Variants in GLIS3 observed in about 807,000 individuals in gnomAD.
The protein encoded by GLIS3 is zinc finger protein GLIS3.
In GLIS3, 53 loss-of-function variants were observed where a neutral mutation model predicts 78.6. The ratio of observed to expected loss-of-function variants is 0.67; its 90% confidence interval spans 0.54 to 0.85. The LOEUF is 0.85. GLIS3 is among the 40% of genes least tolerant of loss of function. The pLI is 0.00. For synonymous variants in GLIS3, 684 were observed against 509.9 expected (o/e 1.34, Z -4.60); for missense variants, 1,703 against 1,231.1 (o/e 1.38, Z -5.74).
At chr9:3,859,084 A>C (rs1232784200) in intron 8 of GLIS3, among the ~76,000 whole-genome samples, 3 of 152,274 alleles carry the variant, frequency 2.0e-5, no homozygotes, top group African/African-American at 7.2e-5. Flanking sequence ...TTCCTGTTTG[A>C]GGTAAGGTCC....
At position 4,299,406 on chromosome 9, in the gene GLIS3, A is replaced by G. The variant is rs1351323091; in HGVS notation, c.-99+15T>C. On this transcript the variant is annotated intron_variant, in intron 1 of 10. Transcript: ENST00000381971. ...TCTCTCGCCTGCGAGCAAAGTTCCT[A>G]TGGCATCCACTTACCAGGTAACCGG... is the stretch of plus-strand genomic sequence containing the variant. 6.6e-6 allele frequency: 1 copy of G among 152,288 alleles called. No individual in the cohort carries two copies. Among genetic ancestry groups the G allele is most frequent in the African/African-American group, 2.4e-5 (1 of 41,448 alleles). The allele number at this position is 152,288 out of a possible 1,614,324, so 9.4% of individuals were successfully genotyped here.
intron 4 of GLIS3, among the ~76,000 whole-genome samples, chr9:4,052,999 G>C (rs947608911): frequency 1.3e-5 from 2 of 152,108 alleles, no homozygotes; most frequent in Non-Finnish European, 2.9e-5. Context: ...CCAGCCTGGA[G>C]TGCAGTAGCA....
chr9:4,286,584 G>A (rs1333819101), intron 1 of GLIS3, 61 bp from the exon 2 acceptor site: 5 of 830,448 alleles, frequency 6.0e-6, no homozygotes, highest in African/African-American at 1.7e-5. Flanking sequence ...GATACAGTGA[G>A]TTTTTCAACC....
chr9:3,831,690 G>C (rs1475680033), intron 9 of GLIS3, among the ~76,000 whole-genome samples: 1 of 152,172 alleles, frequency 6.6e-6, no homozygotes, highest in Admixed American at 6.6e-5. Flanking sequence ...CAGCGCTAGT[G>C]ATCAAAACAG....
upstream of GLIS3, among the ~76,000 whole-genome samples, chr9:4,304,810 T>A (rs980467914): frequency 1.3e-5 from 2 of 152,200 alleles, no homozygotes; most frequent in African/African-American, 4.8e-5. Context: ...TTGAAAAAAC[T>A]TGGAGATTTT....
rs139069093 is a variant in GLIS3, at chr9:4,012,535, C to T, written c.1711-75346G>A. Among the ~76,000 whole-genome samples, 1,516 of 152,120 alleles carry T rather than the reference C, an allele frequency of 1.0e-2. 28 individuals are homozygous for T. The highest frequency in any genetic ancestry group is 0.034 in the African/African-American group (1,422 of 41,472). The stretch of plus-strand genomic sequence containing the variant: ...TGGGCACATAAACTTTTCCTTGGTG[C>T]TTTTTAGATATTCAAGCAATTTCTT... On this transcript the variant is annotated intron_variant, in intron 4 of 10. Transcript: ENST00000381971.
At chr9:4,464,771 G>C in the GLIS3 span, among the ~76,000 whole-genome samples, 16 of 152,172 alleles carry the variant, frequency 1.1e-4, no homozygotes, top group Admixed American at 6.5e-4. Flanking sequence ...AATAATATAA[G>C]TGGTATATAG....
chr9:4,482,473 C>T, the GLIS3 span, among the ~76,000 whole-genome samples: 1 of 152,198 alleles, frequency 6.6e-6, no homozygotes, highest in Non-Finnish European at 1.5e-5. Flanking sequence ...CACCATCTTT[C>T]TCCCCACCCA....
At chr9:3,880,268 A>G (rs927964443) in intron 7 of GLIS3, among the ~76,000 whole-genome samples, 9 of 152,056 alleles carry the variant, frequency 5.9e-5, no homozygotes, top group African/African-American at 1.7e-4. Flanking sequence ...TATGACACAG[A>G]GAGTGAGTTA....
chr9:4,147,272 T>C (rs887804949), intron 2 of GLIS3: 4 of 152,230 alleles, frequency 2.6e-5, no homozygotes, highest in African/African-American at 9.6e-5. Flanking sequence ...AATTTCAATT[T>C]GGAATTTCTT....
chr9:3,905,628 T>A (rs1823645563), intron 6 of GLIS3, among the ~76,000 whole-genome samples: 1 of 152,134 alleles, frequency 6.6e-6, no homozygotes, highest in South Asian at 2.1e-4. Context: ...ACACACACAG[T>A]GGTCCCAGGG....
chr9:4,234,893 T>G (rs1458147651), intron 2 of GLIS3, among the ~76,000 whole-genome samples: 5 of 152,180 alleles, frequency 3.3e-5, no homozygotes. Context: ...CTTTGCTCCC[T>G]AAGAGTCCCT....
At chr9:4,057,583 G>C (rs1235523785) in intron 4 of GLIS3, among the ~76,000 whole-genome samples, 4 of 151,736 alleles carry the variant, frequency 2.6e-5, no homozygotes, top group Admixed American at 1.3e-4. Context: ...TGAAAAAAAA[G>C]CACAATGTAA....
chr9:4,282,365 G>T (rs1457056149), intron 2 of GLIS3, among the ~76,000 whole-genome samples: 1 of 152,178 alleles, frequency 6.6e-6, no homozygotes, highest in Non-Finnish European at 1.5e-5. Context: ...CATTTAGTCA[G>T]TACACTGAGT....
chr9:4,173,218 G>C (rs971229748), intron 2 of GLIS3, among the ~76,000 whole-genome samples: 7 of 152,132 alleles, frequency 4.6e-5, no homozygotes, highest in Admixed American at 2.6e-4. Flanking sequence ...AGGAATACAA[G>C]TGGGAAAAAC....
chr9:4,007,907 G>C (rs978741513), intron 4 of GLIS3, among the ~76,000 whole-genome samples: 39 of 149,126 alleles, frequency 2.6e-4, no homozygotes, highest in South Asian at 1.1e-3. Flanking sequence ...TGGGGGGGGG[G>C]GGTTACTCCA....
chr9:4,100,236 C>T (rs806031), intron 4 of GLIS3, among the ~76,000 whole-genome samples: 70,197 of 152,018 alleles, frequency 0.46, 17,084 homozygotes, highest in African/African-American at 0.63. Context: ...TTCCCTTCCA[C>T]CATAATTGGC....
intron 6 of GLIS3, among the ~76,000 whole-genome samples, chr9:3,924,106 C>T (rs1035019908): frequency 1.3e-5 from 2 of 152,248 alleles, no homozygotes; most frequent in Non-Finnish European, 2.9e-5. Context: ...TAAATTCCCT[C>T]TAGCTTCGAT....
chr9:4,080,911 C>G (rs1292349259), intron 4 of GLIS3, among the ~76,000 whole-genome samples: 1 of 152,202 alleles, frequency 6.6e-6, no homozygotes, highest in Non-Finnish European at 1.5e-5. Flanking sequence ...CTTCACCTCT[C>G]AAGGAAACGG....
Sources: allele counts gnomAD v4.1 joint callset (sites outside exome capture counted in the v4.1 genomes callset), GRCh38; gene constraint gnomAD v4.1.1; transcripts MANE v1.5; gene names NCBI Gene and HGNC (gene_info 2026-07-23, HGNC 2026-07-21).